EHBP1: variants seen among roughly 807,000 people sequenced by gnomAD.
EHBP1 encodes EH domain-binding protein 1.
In EHBP1, 55 loss-of-function variants were observed where a neutral mutation model predicts 144.0. That is an observed-to-expected ratio of 0.38 (90% CI 0.31 to 0.48). The LOEUF (loss-of-function observed/expected upper bound fraction) is 0.48. EHBP1 is among the 20% of genes least tolerant of loss of function. The pLI is 0.98. For synonymous variants in EHBP1, 469 were observed against 472.7 expected (o/e 0.99, Z 0.10); for missense variants, 1,200 against 1,364.2 (o/e 0.88, Z 1.90).
Position 62,758,949 on chromosome 2 carries a change from A to T in EHBP1, c.163-5317A>T, listed in dbSNP as rs140097034. 8.5e-4 allele frequency among the ~76,000 whole-genome samples: 130 copies of T among 152,344 alleles called. 2 individuals carry two copies. The highest frequency in any genetic ancestry group is 2.9e-3 in the African/African-American group (120 of 41,584). On this transcript the variant is annotated intron_variant, in intron 3 of 22. Coordinates refer to ENST00000431489, the MANE Select transcript of EHBP1 (RefSeq NM_001142616.3). ...GTTTAAAAACTATATGGCATTTGTA[A>T]ATTTTCACTGAAATATTTCAATTTT...
chr2:62,903,010 T>C (rs1290052314), intron 10 of EHBP1, among the ~76,000 whole-genome samples: 1 of 152,170 alleles, frequency 6.6e-6, no homozygotes, highest in African/African-American at 2.4e-5. Flanking sequence ...TTGCTATTAT[T>C]AGCTCACTTG....
intron 10 of EHBP1, among the ~76,000 whole-genome samples, chr2:62,897,260 T>C (rs1047007896): frequency 6.6e-6 from 1 of 152,246 alleles, no homozygotes; most frequent in African/African-American, 2.4e-5. Context: ...ACAGTTATCC[T>C]AGAAATCTTT....
At chr2:62,949,599 C>A (rs1270703883) in intron 13 of EHBP1, among the ~76,000 whole-genome samples, 1 of 152,004 alleles carries the variant, frequency 6.6e-6, no homozygotes, top group Non-Finnish European at 1.5e-5. Context: ...TAAAATAAAT[C>A]AAAGATGTTT....
At chr2:62,953,770 TA>T (rs146037845) in intron 13 of EHBP1, among the ~76,000 whole-genome samples, 7 of 151,152 alleles carry the variant, frequency 4.6e-5, no homozygotes, top group Admixed American at 4.0e-4. Context: ...CCAGGAAAAT[TA>T]AAAAAAAACT....
intron 10 of EHBP1, among the ~76,000 whole-genome samples, chr2:62,875,384 C>T (rs1397827309): frequency 6.6e-6 from 1 of 152,196 alleles, no homozygotes; most frequent in Non-Finnish European, 1.5e-5. Context: ...CTGAGAGAGC[C>T]TTGGCCCCCT....
chr2:63,010,255 T>A (rs1290253791), intron 19 of EHBP1, among the ~76,000 whole-genome samples: 1 of 151,320 alleles, frequency 6.6e-6, no homozygotes, highest in African/African-American at 2.4e-5. Context: ...AAACACTGAA[T>A]CCAGAATTAG....
intron 5 of EHBP1, among the ~76,000 whole-genome samples, chr2:62,775,957 G>A (rs1264990888): frequency 6.6e-6 from 1 of 152,150 alleles, no homozygotes; most frequent in African/African-American, 2.4e-5. Context: ...GAATCATAGG[G>A]AAGCTTTTAA....
chr2:62,859,194 G>C lies in EHBP1; in HGVS notation c.660G>C (p.Leu220Phe), dbSNP rs202013259. 106 of 1,610,758 alleles carry C rather than the reference G, an allele frequency of 6.6e-5. No homozygotes were observed. The highest frequency in any genetic ancestry group is 4.0e-5 in the Non-Finnish European group (47 of 1,177,970). Reference sequence around the variant, plus strand: ...AGCTTATCAACAAACTTAACTTTTTGGATGAAGCAGAAAAGGACTTGGCCA... The same window carrying C: ...AGCTTATCAACAAACTTAACTTTTTCGATGAAGCAGAAAAGGACTTGGCCA... ...ITELINKLNF[L>F]DEAEKDLATV... The change falls in exon 8 of 23, where the codon TTG becomes TTC. Residue 220 changes from leucine to phenylalanine, a missense_variant. Around this residue, in one of 6 missense-constraint regions of EHBP1, gnomAD observed 266 missense variants for 262.4 expected, o/e 1.01. Coordinates refer to ENST00000431489, the MANE Select transcript of EHBP1 (RefSeq NM_001142616.3).
intron 7 of EHBP1, among the ~76,000 whole-genome samples, chr2:62,835,217 A>T (rs1162267809): frequency 6.6e-6 from 1 of 152,050 alleles, no homozygotes; most frequent in Non-Finnish European, 1.5e-5. Flanking sequence ...TTAACTTTAT[A>T]AGCTTTGCCC....
intron 10 of EHBP1, among the ~76,000 whole-genome samples, chr2:62,905,689 T>A (rs1314570124): frequency 1.3e-5 from 2 of 151,852 alleles, no homozygotes; most frequent in African/African-American, 4.8e-5. Context: ...CCAGGCGTGG[T>A]GACACACGCC....
intron 9 of EHBP1, among the ~76,000 whole-genome samples, chr2:62,870,747 A>G (rs1374455831): frequency 6.8e-6 from 1 of 147,980 alleles, no homozygotes; most frequent in Non-Finnish European, 1.5e-5. Flanking sequence ...ACATATATAT[A>G]TATGTATTTA....
chr2:62,886,531 G>C (rs1374668980), intron 10 of EHBP1, among the ~76,000 whole-genome samples: 1 of 151,592 alleles, frequency 6.6e-6, no homozygotes, highest in African/African-American at 2.4e-5. Flanking sequence ...TTTGTAATGA[G>C]TAATAGAAAC....
chr2:62,894,717 A>G (rs1263792102), intron 10 of EHBP1, among the ~76,000 whole-genome samples: 1 of 152,174 alleles, frequency 6.6e-6, no homozygotes, highest in East Asian at 1.9e-4. Context: ...GAATAGTAGC[A>G]TTCTATTGAA....
chr2:62,749,644 C>G (rs1558601431), intron 3 of EHBP1, among the ~76,000 whole-genome samples: 1 of 151,386 alleles, frequency 6.6e-6, no homozygotes. Context: ...CTCTCCAGCA[C>G]CTGTTTCCTG....
At chr2:63,038,841 G>T (rs374583390) in intron 21 of EHBP1, 25 bp downstream of exon 21, 4 of 1,592,530 alleles carry the variant, frequency 2.5e-6, no homozygotes, top group Non-Finnish European at 3.4e-6. Context: ...GGTGGGGTGA[G>T]GTATGTGACG....
chr2:62,927,771 A>G (rs1331291066), intron 10 of EHBP1, among the ~76,000 whole-genome samples: 2 of 152,198 alleles, frequency 1.3e-5, no homozygotes, highest in African/African-American at 2.4e-5. Context: ...AGATCTAACA[A>G]ACATACAAAA....
At chr2:62,717,264 G>C (rs1402013014) in intron 2 of EHBP1, among the ~76,000 whole-genome samples, 1 of 152,146 alleles carries the variant, frequency 6.6e-6, no homozygotes, top group Non-Finnish European at 1.5e-5. Flanking sequence ...AGTTTCAAAT[G>C]AGTTTTGCAA....
intron 5 of EHBP1, among the ~76,000 whole-genome samples, chr2:62,809,353 C>T (rs913626569): frequency 1.4e-5 from 2 of 146,444 alleles, no homozygotes; most frequent in Non-Finnish European, 3.0e-5. Flanking sequence ...TAAAATGGTT[C>T]CTCCTCCCCT....
intron 19 of EHBP1, among the ~76,000 whole-genome samples, chr2:63,019,314 G>A (rs1485042413): frequency 1.3e-5 from 2 of 152,170 alleles, no homozygotes; most frequent in Non-Finnish European, 2.9e-5. Flanking sequence ...GCACAGCATA[G>A]AGATTTAAGA....
Sources: allele counts gnomAD v4.1 joint callset (sites outside exome capture counted in the v4.1 genomes callset), GRCh38; gene constraint gnomAD v4.1.1; regional missense constraint gnomAD v4.1.1; transcripts MANE v1.5; gene names NCBI Gene and HGNC (gene_info 2026-07-23, HGNC 2026-07-21).